Variants in VPS45 observed in about 807,000 individuals in gnomAD.
The protein encoded by VPS45 is vacuolar protein sorting 45 homolog.
VPS45 carries 35 observed loss-of-function variants against 75.9 expected under a neutral mutation model. The ratio of observed to expected loss-of-function variants is 0.46; its 90% CI spans 0.35 to 0.61. The LOEUF (loss-of-function observed/expected upper bound fraction) is 0.61, where lower values mean the gene tolerates loss of function less well. Among genes scored for constraint, VPS45 ranks in the 20% least tolerant of loss-of-function variants. VPS45 has a pLI of 0.00. For synonymous variants in VPS45, 220 were observed against 238.2 expected, an observed-to-expected ratio of 0.92 and a Z score of 0.70; for missense variants, 559 against 685.9, an observed-to-expected ratio of 0.81 and a Z score of 2.07.
rs782461254 is a variant in VPS45 at position 150,144,816 on chromosome 1, G to A, written c.*20G>A. The A allele has an allele frequency of 8.7e-6, 14 of 1,613,842 alleles. No individual in the cohort carries two copies. The highest frequency in any genetic ancestry group is 1.7e-5 in the Admixed American group (1 of 59,966). On this transcript the variant is annotated 3_prime_UTR_variant, in exon 15 of 15. Transcript: ENST00000644510. Reference sequence around the variant, plus strand: ...AGATGAAACGGTGGTTGGGGGAAGGGCACAGCTTCCTCTCTTGTCCCCACT... The same window carrying A: ...AGATGAAACGGTGGTTGGGGGAAGGACACAGCTTCCTCTCTTGTCCCCACT...
At chr1:150,069,480 G>A (rs1365081053) in intron 2 of VPS45, among the ~76,000 whole-genome samples, 2 of 68,764 alleles carry the variant, frequency 2.9e-5, no homozygotes, top group Non-Finnish European at 5.4e-5. Flanking sequence ...TTTTTGAGAT[G>A]GAGTCTCGCT....
intron 10 of VPS45, among the ~76,000 whole-genome samples, chr1:150,085,246 C>T (rs1209958544): frequency 6.6e-6 from 1 of 151,990 alleles, no homozygotes; most frequent in South Asian, 2.1e-4. Flanking sequence ...TCTTATATTT[C>T]TTTATCATTT....
At chr1:150,121,614 CTAGG>C (rs1658233824) in intron 14 of VPS45, among the ~76,000 whole-genome samples, 1 of 152,156 alleles carries the variant, frequency 6.6e-6, no homozygotes, top group Admixed American at 6.5e-5. Flanking sequence ...ATTTCAGTTT[CTAGG>C]AATTATATAT....
chr1:150,089,797 G>A (rs370448744), intron 10 of VPS45, among the ~76,000 whole-genome samples: 17 of 152,100 alleles, frequency 1.1e-4, no homozygotes, highest in Admixed American at 1.0e-3. Flanking sequence ...GCTGTATTCC[G>A]TGGCTGCTCT....
intron 2 of VPS45, among the ~76,000 whole-genome samples, chr1:150,069,922 C>T (rs138960727): frequency 6.6e-6 from 1 of 152,226 alleles, no homozygotes; most frequent in Admixed American, 6.5e-5. Context: ...TTAATTGTAG[C>T]CTTCAAGGTG....
intron 2 of VPS45, among the ~76,000 whole-genome samples, chr1:150,070,777 C>T (rs2101489671): frequency 6.6e-6 from 1 of 151,918 alleles, no homozygotes; most frequent in East Asian, 1.9e-4. Flanking sequence ...CCACTGTAGT[C>T]CAGCCTGGCG....
chr1:150,075,899 G>A (rs1467785903), intron 3 of VPS45, among the ~76,000 whole-genome samples: 9 of 112,192 alleles, frequency 8.0e-5, no homozygotes, highest in Non-Finnish European at 1.3e-4. Flanking sequence ...ACAGGCGTCC[G>A]CCACCACGCC....
rs1330926015 is a variant in VPS45, at chr1:150,076,163, A to G, written c.290-70A>G. ...GTCACTTATTCATTAGGCTTTAACT[A>G]TCAGGCCCTTTTACATATATTGCAG... On this transcript the variant is annotated intron_variant, in intron 3 of 14. Transcript: ENST00000644510. 13 of 1,178,644 alleles carry G rather than the reference A, an allele frequency of 1.1e-5. No individual in the cohort carries two copies. The Middle Eastern group carries it at 6.1e-4, about 55-fold the overall frequency. 73.0% of individuals were successfully genotyped at this position (1,178,644 alleles called of 1,614,324 possible).
At chr1:150,078,972 G>T (rs782256021) in intron 7 of VPS45, among the ~76,000 whole-genome samples, 1 of 151,572 alleles carries the variant, frequency 6.6e-6, no homozygotes, top group African/African-American at 2.4e-5. Flanking sequence ...TTAGCTGGAC[G>T]TGGTGGCAGA....
At chr1:150,141,430 G>T (rs1435816801) in intron 14 of VPS45, among the ~76,000 whole-genome samples, 1 of 152,084 alleles carries the variant, frequency 6.6e-6, no homozygotes, top group Non-Finnish European at 1.5e-5. Flanking sequence ...CAGTATGATA[G>T]CTTTGTTTAG....
chr1:150,120,864 CTTTTTTT>C (rs370159689), intron 14 of VPS45, among the ~76,000 whole-genome samples: 1 of 86,060 alleles, frequency 1.2e-5, no homozygotes, highest in Non-Finnish European at 2.4e-5. Flanking sequence ...TAGCAACATT[CTTTTTTT>C]TTTTTTTTTT....
intron 14 of VPS45, among the ~76,000 whole-genome samples, chr1:150,137,156 C>T (rs1348522295): frequency 2.0e-5 from 3 of 152,156 alleles, no homozygotes; most frequent in Non-Finnish European, 4.4e-5. Flanking sequence ...CTGCCTTGGC[C>T]TCCCAAAGTG....
upstream of VPS45, chr1:150,067,621 A>G (rs2027349): frequency 0.18 from 93,517 of 505,632 alleles, 13,625 homozygotes; most frequent in African/African-American, 0.56. Context: ...GTGGAGAATA[A>G]CGCCCGCGCG....
intron 13 of VPS45, among the ~76,000 whole-genome samples, chr1:150,097,099 T>TC (rs1280971574): frequency 6.6e-6 from 1 of 150,682 alleles, no homozygotes; most frequent in Non-Finnish European, 1.5e-5. Flanking sequence ...TCTTTTTTTT[T>TC]TTTTTTGAGA....
intron 7 of VPS45, among the ~76,000 whole-genome samples, chr1:150,080,741 A>G (rs191944143): frequency 6.4e-4 from 98 of 152,352 alleles, no homozygotes; most frequent in Middle Eastern, 3.4e-3. Context: ...CAGTTTTACC[A>G]AATAAATTCT....
chr1:150,096,591 G>A (rs953275493), intron 13 of VPS45, among the ~76,000 whole-genome samples: 1 of 151,986 alleles, frequency 6.6e-6, no homozygotes, highest in Non-Finnish European at 1.5e-5. Context: ...AAGAGAAGGA[G>A]AAAAAGGAGG....
chr1:150,082,861 A>G lies in VPS45; in HGVS notation c.1082A>G (p.Asn361Ser), dbSNP rs781969882. ...GTTGAGCAAGAACTGGCCTGTCAAA[A>G]TGACCATTCTAGTGCTCTCCAGGTC... The part of the protein sequence containing the change: ...SEVEQELACQ[N>S]DHSSALQNIK... Residue 361 changes from asparagine (N) to serine (S), a missense_variant, in exon 10 of 15, where the codon AAT (asparagine) becomes AGT (serine). By Grantham distance (46) the Asn-to-Ser change is conservative. Transcript: ENST00000644510. 1.2e-6 allele frequency: 2 copies of G among 1,613,942 alleles called. No individual in the cohort carries two copies. Among genetic ancestry groups the G allele is most frequent in the South Asian group, 1.1e-5 (1 of 91,070 alleles).
chr1:150,090,627 C>T (rs1447121262), intron 10 of VPS45, among the ~76,000 whole-genome samples: 11 of 152,146 alleles, frequency 7.2e-5, no homozygotes, highest in African/African-American at 2.7e-4. Context: ...GGTTAAATCT[C>T]CACCGGCATT....
intron 14 of VPS45, among the ~76,000 whole-genome samples, chr1:150,136,320 G>A (rs1269522747): frequency 4.0e-5 from 6 of 150,048 alleles, no homozygotes; most frequent in East Asian, 2.0e-4. Context: ...TTGGGAGGCC[G>A]AGGTGGGTGG....
Sources: allele counts gnomAD v4.1 joint callset (sites outside exome capture counted in the v4.1 genomes callset), GRCh38; gene constraint gnomAD v4.1.1; transcripts MANE v1.5; gene names NCBI Gene and HGNC (gene_info 2026-07-23, HGNC 2026-07-21).